Variants in PRMT7 observed in about 807,000 individuals in gnomAD.
The protein encoded by PRMT7 is protein arginine N-methyltransferase 7.
A neutral mutation model predicts 85.4 loss-of-function variants in PRMT7; 75 were observed. The observed-to-expected ratio is 0.88, with a 90% confidence interval of 0.73 to 1.06. The LOEUF is 1.06. Among genes scored for constraint, PRMT7 ranks in the 50% least tolerant of loss-of-function variants. The pLI, the probability that PRMT7 is intolerant of heterozygous loss-of-function variation, is 0.00. For missense variants in PRMT7, 868 were observed against 915.2 expected (o/e 0.95, Z 0.67); for synonymous variants, 397 against 359.5 (o/e 1.10, Z -1.18).
chr16:68,347,396 C>A, intron 12 of PRMT7, 102 bp downstream of exon 12: 1 of 1,262,194 alleles, frequency 7.9e-7, no homozygotes, highest in Non-Finnish European at 1.1e-6. Flanking sequence ...TTTGCAAAGG[C>A]CACTGTTGTG....
chr16:68,316,306 ATCTGTTTAACG>A (rs2081847539), intron 3 of PRMT7, among the ~76,000 whole-genome samples: 1 of 152,224 alleles, frequency 6.6e-6, no homozygotes, highest in African/African-American at 2.4e-5. Context: ...GAGCCTCAGC[ATCTGTTTAACG>A]GAGCAAAGAA....
chr16:68,325,974 T>G (rs1356402700), intron 5 of PRMT7, among the ~76,000 whole-genome samples: 3 of 151,892 alleles, frequency 2.0e-5, no homozygotes, highest in Admixed American at 1.3e-4. Flanking sequence ...ATTTCTTTAA[T>G]AAAACATTAA....
intron 3 of PRMT7, among the ~76,000 whole-genome samples, chr16:68,320,825 G>A (rs977424031): frequency 1.3e-5 from 2 of 152,150 alleles, no homozygotes; most frequent in Non-Finnish European, 2.9e-5. Context: ...GTGGCCAGGT[G>A]CAGCGACGGA....
intron 5 of PRMT7, among the ~76,000 whole-genome samples, chr16:68,325,461 A>G: frequency 6.6e-6 from 1 of 151,970 alleles, no homozygotes; most frequent in Non-Finnish European, 1.5e-5. Context: ...ACCACACTCC[A>G]GCCTGGGTGA....
chr16:68,332,072 CT>C (rs2083984801), intron 6 of PRMT7, among the ~76,000 whole-genome samples: 2 of 152,132 alleles, frequency 1.3e-5, no homozygotes, highest in African/African-American at 4.8e-5. Flanking sequence ...GCTTTTTAAA[CT>C]TTGGCATGCA....
chr16:68,337,423 T>G, intron 6 of PRMT7, 36 bp from the exon 7 acceptor site: 1 of 1,453,272 alleles, frequency 6.9e-7, no homozygotes, highest in South Asian at 1.2e-5. Flanking sequence ...CCTAGTCTGT[T>G]GCTTATGTCC....
chr16:68,332,173 C>T (rs1269267294), intron 6 of PRMT7, among the ~76,000 whole-genome samples: 1 of 152,202 alleles, frequency 6.6e-6, no homozygotes, highest in Non-Finnish European at 1.5e-5. Context: ...GTCAGGCCTT[C>T]TCAACAGTAG....
intron 16 of PRMT7, 41 bp downstream of exon 16, chr16:68,353,607 C>T (rs369624099): frequency 1.2e-5 from 18 of 1,496,166 alleles, no homozygotes; most frequent in South Asian, 2.7e-5. Flanking sequence ...CCGACCTGCT[C>T]CTGTATCGCA....
chr16:68,349,030 T>A (rs2151863622), intron 14 of PRMT7, among the ~76,000 whole-genome samples: 1 of 152,138 alleles, frequency 6.6e-6, no homozygotes, highest in East Asian at 1.9e-4. Context: ...TGTCCTTTCC[T>A]CTCCACCGCA....
chr16:68,314,704 G>A (rs1388533545), intron 2 of PRMT7, among the ~76,000 whole-genome samples: 1 of 152,214 alleles, frequency 6.6e-6, no homozygotes, highest in Non-Finnish European at 1.5e-5. Context: ...AGGAAGGGCA[G>A]TGTAGAACAC....
intron 14 of PRMT7, among the ~76,000 whole-genome samples, chr16:68,350,621 T>C (rs1432563362): frequency 1.3e-5 from 2 of 152,248 alleles, no homozygotes; most frequent in African/African-American, 4.8e-5. Flanking sequence ...ATAATTCACA[T>C]ACCTTACGAT....
At chr16:68,333,379 AT>A (rs2084189335) in intron 6 of PRMT7, among the ~76,000 whole-genome samples, 4 of 151,284 alleles carry the variant, frequency 2.6e-5, no homozygotes, top group Non-Finnish European at 5.9e-5. Flanking sequence ...TACTGAGGAG[AT>A]TGAGGCAGGA....
intron 3 of PRMT7, among the ~76,000 whole-genome samples, chr16:68,321,129 C>T (rs985240019): frequency 1.3e-4 from 19 of 151,942 alleles, no homozygotes; most frequent in Admixed American, 3.9e-4. Flanking sequence ...ATTAGCCAGG[C>T]GTGGTGGTGA....
chr16:68,339,454 C>G lies in PRMT7; in HGVS notation c.637C>G (p.Pro213Ala). Residue 213 changes from proline to alanine, a missense_variant, in exon 8 of 19, where the codon CCC becomes GCC. Transcript: ENST00000441236. ...TSLGEQVIVP[P>A]VDVESCPGAP... ...CCTCGGAGAGCAGGTCATCGTCCCT[C>G]CCGTTGACGTGGAGAGCTGCCCTGG... The G allele has an allele frequency of 1.2e-6, 2 of 1,614,226 alleles. No individual in the cohort carries two copies. The highest frequency in any genetic ancestry group is 2.7e-5 in the African/African-American group (2 of 75,060).
At chr16:68,340,020 G>C (rs778047226) in intron 9 of PRMT7, 52 bp downstream of exon 9, 170 of 1,503,936 alleles carry the variant, frequency 1.1e-4, no homozygotes, top group Non-Finnish European at 1.5e-4. Context: ...GTCCACTGCT[G>C]TTCATGGGAA....
intron 5 of PRMT7, among the ~76,000 whole-genome samples, chr16:68,325,218 G>T (rs2082965543): frequency 6.6e-6 from 1 of 152,150 alleles, no homozygotes; most frequent in Non-Finnish European, 1.5e-5. Flanking sequence ...AATATTAGCT[G>T]GGCATGGTGG....
At chr16:68,342,605 G>A (rs2085705221) in intron 9 of PRMT7, among the ~76,000 whole-genome samples, 1 of 152,206 alleles carries the variant, frequency 6.6e-6, no homozygotes, top group African/African-American at 2.4e-5. Context: ...GAAGGCCTTA[G>A]CAGCTTCACC....
At position 68,324,843 on chromosome 16, in the gene PRMT7, C is replaced by T; in HGVS notation, c.282+11C>T. Reference sequence around the variant, plus strand: ...TGCTATGCCATCGAGGTAAGCCATTCCCTTCAGGTGTGTGTCCTGCATCTT... The same window carrying T: ...TGCTATGCCATCGAGGTAAGCCATTTCCTTCAGGTGTGTGTCCTGCATCTT... On this transcript the variant is annotated intron_variant, in intron 5 of 18. Coordinates refer to ENST00000441236, the MANE Select transcript of PRMT7 (RefSeq NM_019023.5). The T allele has an allele frequency of 6.2e-7, 1 of 1,613,516 alleles. No homozygotes were observed. Among genetic ancestry groups the T allele is most frequent in the Non-Finnish European group, 8.5e-7 (1 of 1,179,978 alleles).
intron 15 of PRMT7, 140 bp downstream of exon 15, chr16:68,352,549 A>G (rs976383726): frequency 4.0e-6 from 3 of 747,942 alleles, no homozygotes; most frequent in African/African-American, 3.6e-5. Flanking sequence ...GTGTCAGCAC[A>G]CTGTGGGGTT....
Sources: gnomAD v4.1 joint callset for allele counts (sites outside exome capture counted in the v4.1 genomes callset) on GRCh38, gnomAD v4.1.1 for gene constraint, MANE v1.5 for transcripts, NCBI Gene and HGNC (gene_info 2026-07-23, HGNC 2026-07-21) for gene names.